Variants in ELP3 observed in about 807,000 individuals in gnomAD.
ELP3 encodes the protein elongator acetyltransferase complex subunit 3, also known as elongator complex protein 3.
A neutral mutation model predicts 74.9 loss-of-function variants in ELP3; 56 were observed. The ratio of observed to expected loss-of-function variants is 0.75; its 90% CI spans 0.60 to 0.93. ELP3 has a LOEUF of 0.93. ELP3 is among the 40% of genes least tolerant of loss of function. ELP3 has a pLI of 0.00. For synonymous variants in ELP3, 222 were observed against 239.8 expected (o/e 0.93, Z 0.68); for missense variants, 573 against 686.5 (o/e 0.83, Z 1.85).
intron 2 of ELP3, among the ~76,000 whole-genome samples, chr8:28,097,587 G>A (rs189602432): frequency 0.01 from 1,534 of 151,964 alleles, 17 homozygotes; most frequent in African/African-American, 0.033. Flanking sequence ...TAGTAGAGAC[G>A]GGGTTTCACC....
At chr8:28,127,859 A>G (rs1812639964) in intron 7 of ELP3, among the ~76,000 whole-genome samples, 1 of 152,198 alleles carries the variant, frequency 6.6e-6, no homozygotes, top group South Asian at 2.1e-4. Flanking sequence ...GAAATAAACA[A>G]TGCAAAAGAG....
intron 10 of ELP3, among the ~76,000 whole-genome samples, chr8:28,151,023 C>T (rs1813623025): frequency 6.6e-6 from 1 of 152,168 alleles, no homozygotes. Flanking sequence ...GATCTTCCTG[C>T]CTCGGCCTTC....
At chr8:28,169,519 C>G (rs1414388763) in intron 14 of ELP3, among the ~76,000 whole-genome samples, 1 of 152,158 alleles carries the variant, frequency 6.6e-6, no homozygotes, top group Non-Finnish European at 1.5e-5. Context: ...GTCCACCTGT[C>G]TGCTCCATGT....
At chr8:28,090,475 A>T, upstream of ELP3, 1 of 235,028 alleles carries the variant, frequency 4.3e-6, no homozygotes. Context: ...CCATAGTCTG[A>T]TGGGTGGGTG....
upstream of ELP3, among the ~76,000 whole-genome samples, chr8:28,091,745 A>G (rs961772657): frequency 3.3e-5 from 5 of 152,198 alleles, no homozygotes; most frequent in Non-Finnish European, 7.3e-5. Context: ...GACAGGTCTC[A>G]GTCTGGAGGT....
chr8:28,120,053 C>T (rs1384128312), intron 7 of ELP3, among the ~76,000 whole-genome samples: 1 of 152,102 alleles, frequency 6.6e-6, no homozygotes, highest in Non-Finnish European at 1.5e-5. Flanking sequence ...AAAACTTCAG[C>T]GTACGTTCTT....
chr8:28,186,755 A>G (rs1422186759), intron 14 of ELP3, among the ~76,000 whole-genome samples: 2 of 152,188 alleles, frequency 1.3e-5, no homozygotes, highest in African/African-American at 4.8e-5. Context: ...CTCTTCTTGT[A>G]AAACCACTAG....
At chr8:28,120,524 C>T (rs28826650) in intron 7 of ELP3, among the ~76,000 whole-genome samples, 2,399 of 152,256 alleles carry the variant, frequency 0.016, 64 homozygotes, top group African/African-American at 0.053. Flanking sequence ...TTAATGATAT[C>T]GTTTAGCCAA....
At chr8:28,165,794 T>G (rs1224954287) in intron 14 of ELP3, among the ~76,000 whole-genome samples, 1 of 152,214 alleles carries the variant, frequency 6.6e-6, no homozygotes, top group Non-Finnish European at 1.5e-5. Flanking sequence ...AGAAAGACTC[T>G]GGGTATTCTT....
chr8:28,139,096 C>T (rs1158463795), intron 10 of ELP3, among the ~76,000 whole-genome samples: 3 of 152,034 alleles, frequency 2.0e-5, no homozygotes. Context: ...GAGGCAGAGG[C>T]GTGGTGCAGG....
chr8:28,124,497 A>G (rs1812497956), intron 7 of ELP3, among the ~76,000 whole-genome samples: 1 of 152,206 alleles, frequency 6.6e-6, no homozygotes, highest in Non-Finnish European at 1.5e-5. Context: ...AGATATGTTC[A>G]CAAGTTATTC....
chr8:28,125,013 C>G (rs1812517043), intron 7 of ELP3, among the ~76,000 whole-genome samples: 1 of 152,284 alleles, frequency 6.6e-6, no homozygotes, highest in Non-Finnish European at 1.5e-5. Context: ...AAACATCCAA[C>G]TCAGTTAAGT....
At chr8:28,184,578 G>A (rs55737949) in intron 14 of ELP3, among the ~76,000 whole-genome samples, 3,141 of 152,296 alleles carry the variant, frequency 0.021, 39 homozygotes, top group East Asian at 0.038. Context: ...ACTCTTGATT[G>A]TTGAACTTTC....
At chr8:28,152,066 C>T (rs949726787) in intron 10 of ELP3, among the ~76,000 whole-genome samples, 24 of 152,266 alleles carry the variant, frequency 1.6e-4, no homozygotes, top group East Asian at 1.2e-3. Context: ...TGTTAAGCCA[C>T]GACTTCCACT....
chr8:28,156,727 T>C (rs910669376), intron 11 of ELP3, among the ~76,000 whole-genome samples: 3 of 152,178 alleles, frequency 2.0e-5, no homozygotes, highest in Admixed American at 1.3e-4. Flanking sequence ...CTGTTTGTTA[T>C]CCAGCACTAG....
upstream of ELP3, chr8:28,093,060 T>G (rs541385350): frequency 6.5e-4 from 820 of 1,258,166 alleles, 1 homozygote; most frequent in Non-Finnish European, 8.5e-4. Context: ...GGGCGGGGCG[T>G]GGCTTTGTGC....
At chr8:28,122,295 T>C (rs1197324674) in intron 7 of ELP3, among the ~76,000 whole-genome samples, 3 of 152,230 alleles carry the variant, frequency 2.0e-5, no homozygotes, top group Admixed American at 2.0e-4. Flanking sequence ...TTGGTATTAG[T>C]GTAACGCAGG....
At chr8:28,188,797 G>C (rs1418641727) in intron 14 of ELP3, among the ~76,000 whole-genome samples, 1 of 152,192 alleles carries the variant, frequency 6.6e-6, no homozygotes, top group Non-Finnish European at 1.5e-5. Context: ...CTGAGGAGGG[G>C]CTTGTAGGAA....
chr8:28,173,535 A>G (rs1425822341), intron 14 of ELP3, among the ~76,000 whole-genome samples: 1 of 148,206 alleles, frequency 6.7e-6, no homozygotes, highest in Non-Finnish European at 1.5e-5. Context: ...CTTTTCAAAG[A>G]ATGAACTTTT....
Sources: gnomAD v4.1 joint callset for allele counts (sites outside exome capture counted in the v4.1 genomes callset) on GRCh38, gnomAD v4.1.1 for gene constraint, MANE v1.5 for transcripts, NCBI Gene and HGNC (gene_info 2026-07-23, HGNC 2026-07-21) for gene names.